The following CTNS variants were observed in gnomAD, a reference collection of about 807,000 sequenced individuals.
The protein encoded by CTNS is cystinosin.
Under a neutral mutation model 43.7 loss-of-function variants are expected in CTNS, and 27 were observed. That is an observed-to-expected ratio of 0.62 (90% CI 0.46 to 0.85). The LOEUF (loss-of-function observed/expected upper bound fraction) is 0.85, where lower values mean the gene tolerates loss of function less well. Ranked by LOEUF, CTNS falls within the 40% of genes least tolerant of loss-of-function variation. The pLI, the probability that CTNS is intolerant of heterozygous loss-of-function variation, is 0.00. For missense variants in CTNS, 457 were observed against 475.4 expected (o/e 0.96, Z 0.36); for synonymous variants, 187 against 190.6 (o/e 0.98, Z 0.16).
At position 3,647,468 on chromosome 17, in the gene CTNS, C is replaced by T; in HGVS notation, c.86C>T (p.Pro29Leu). 1.2e-6 allele frequency: 2 copies of T among 1,614,166 alleles called. No homozygotes were observed. Among genetic ancestry groups the T allele is most frequent in the Non-Finnish European group, 1.7e-6 (2 of 1,179,992 alleles). Residue 29 changes from proline to leucine, a missense_variant, in exon 4 of 12, where the codon CCT becomes CTT. By Grantham distance (98) the Pro-to-Leu change is moderately conservative. Coordinates refer to ENST00000046640, the MANE Select transcript of CTNS (RefSeq NM_004937.3). ...GAGTCAAGCGTCAGCCTCACTGTTC[C>T]TCCTGTCGTAAAGCTGGAGAACGGC... ...KCESSVSLTV[P>L]PVVKLENGSS... is the part of the protein sequence containing the mutation.
chr17:3,645,818 C>G (rs1269229170), intron 3 of CTNS, among the ~76,000 whole-genome samples: 1 of 150,644 alleles, frequency 6.6e-6, no homozygotes, highest in Non-Finnish European at 1.5e-5. Flanking sequence ...AAAGATCATG[C>G]CACTGCACTC....
chr17:3,647,026 CA>C (rs1425578664), intron 3 of CTNS, among the ~76,000 whole-genome samples: 11 of 152,182 alleles, frequency 7.2e-5, no homozygotes, highest in African/African-American at 2.7e-4. Context: ...CCCAGTTCTT[CA>C]GGACCATTTT....
At chr17:3,658,232 C>G in intron 10 of CTNS, 57 bp downstream of exon 10, 1 of 1,601,182 alleles carries the variant, frequency 6.2e-7, no homozygotes, top group Non-Finnish European at 8.5e-7. Flanking sequence ...AGCTACATGG[C>G]CCAGGCCCTG....
chr17:3,644,657 G>A (rs1287292570), intron 3 of CTNS, among the ~76,000 whole-genome samples: 1 of 152,100 alleles, frequency 6.6e-6, no homozygotes, highest in African/African-American at 2.4e-5. Flanking sequence ...GTAGAGACAG[G>A]GTTTCACTAT....
At chr17:3,651,570 C>A (rs1253889439) in intron 5 of CTNS, among the ~76,000 whole-genome samples, 1 of 152,154 alleles carries the variant, frequency 6.6e-6, no homozygotes, top group African/African-American at 2.4e-5. Flanking sequence ...GGGAATGTTT[C>A]ATTTCTTCAT....
chr17:3,662,048 C>T lies in CTNS; in HGVS notation c.*1679C>T, dbSNP rs1179686179. Among the ~76,000 whole-genome samples the T allele has an allele frequency of 2.0e-5, 3 of 152,124 alleles. No homozygotes were observed. The highest frequency in any genetic ancestry group is 7.2e-5 in the African/African-American group (3 of 41,420). ...TTTTCCGGCTGAGTGCGGTGGCTCA[C>T]GCCTGTAATCCCAGCACTTTGGGAG... On this transcript the variant is annotated 3_prime_UTR_variant, in exon 12 of 12. Transcript: ENST00000046640.
At chr17:3,648,780 T>C (rs2075905024) in intron 4 of CTNS, 67 bp from the exon 5 acceptor site, 1 of 1,305,876 alleles carries the variant, frequency 7.7e-7, no homozygotes, top group South Asian at 1.2e-5. Context: ...AGATGTGAAA[T>C]CCAGAGGGTT....
Position 3,659,989 on chromosome 17 carries a change from C to T in CTNS, c.970+14C>T, listed in dbSNP as rs756853653. On this transcript the variant is annotated intron_variant, in intron 11 of 11. Coordinates refer to ENST00000046640, the MANE Select transcript of CTNS (RefSeq NM_004937.3). ...CCTACAACAACGGTGAGTCAGCCAG[C>T]GGGCTGCTGGCCACCCTGCGGCTGG... 15 of 1,601,652 alleles carry T rather than the reference C, an allele frequency of 9.4e-6. No homozygotes were observed. The highest frequency in any genetic ancestry group is 1.8e-4 in the Middle Eastern group (1 of 5,542).
At position 3,660,601 on chromosome 17, in the gene CTNS, A is replaced by C; in HGVS notation, c.*232A>C. ...GTGGCACCGTCGCCTTGACACCGCC[A>C]TCTCTTTTCTTTAAGGCTTCAGGCA... On this transcript the variant is annotated 3_prime_UTR_variant, in exon 12 of 12. Transcript: ENST00000046640. The C allele has an allele frequency of 6.2e-7, 1 of 1,613,324 alleles. No individual in the cohort carries two copies. The highest frequency in any genetic ancestry group is 8.5e-7 in the Non-Finnish European group (1 of 1,180,024).
At chr17:3,659,744 G>T in intron 10 of CTNS, 114 bp from the exon 11 acceptor site, 1 of 776,574 alleles carries the variant, frequency 1.3e-6, no homozygotes, top group East Asian at 2.6e-5. Flanking sequence ...TGGAGCCAAG[G>T]CCCCAGTGGG....
At chr17:3,650,149 A>G in intron 5 of CTNS, 1 of 1,548,916 alleles carries the variant, frequency 6.5e-7, no homozygotes, top group Non-Finnish European at 8.7e-7. Flanking sequence ...TACACTTTTT[A>G]TTTGTCAATG....
At chr17:3,639,004 G>C (rs2075612601) in intron 2 of CTNS, among the ~76,000 whole-genome samples, 1 of 152,150 alleles carries the variant, frequency 6.6e-6, no homozygotes, top group Non-Finnish European at 1.5e-5. Flanking sequence ...GCCAACAGAG[G>C]TCAGACAGCT....
rs750842698 is a variant in CTNS, at chr17:3,655,202, T to A, written c.330-19T>A. 6.2e-7 allele frequency: 1 copy of A among 1,613,890 alleles called. No homozygotes were observed. ...GAAGCCCAGCCTCAGCTCATCCCGG[T>A]CCCCAAACTCCTTTCCAGCCCGAGG... On this transcript the variant is annotated intron_variant, in intron 6 of 11. Transcript: ENST00000046640.
rs1242300292 is a variant in CTNS, at chr17:3,662,486, T to A, written c.*2117T>A. Among the ~76,000 whole-genome samples, 3 of 152,132 alleles carry A rather than the reference T, an allele frequency of 2.0e-5. No homozygotes were observed. The highest frequency in any genetic ancestry group is 2.9e-5 in the Non-Finnish European group (2 of 68,012). On this transcript the variant is annotated 3_prime_UTR_variant, in exon 12 of 12. Coordinates refer to ENST00000046640, the MANE Select transcript of CTNS (RefSeq NM_004937.3). ...CAACACGTGGGGTTGTGTCCCTCGC[T>A]GGGATACACGGAGTGCCCTTATAGG...
intron 4 of CTNS, among the ~76,000 whole-genome samples, 179 bp from the exon 5 acceptor site, chr17:3,648,668 A>C (rs2075902040): frequency 6.6e-6 from 1 of 152,198 alleles, no homozygotes; most frequent in Non-Finnish European, 1.5e-5. Context: ...TGGTCTCCTG[A>C]TTAAGACAGG....
intron 3 of CTNS, among the ~76,000 whole-genome samples, chr17:3,645,014 G>A (rs568781585): frequency 2.0e-5 from 3 of 152,294 alleles, no homozygotes; most frequent in South Asian, 2.1e-4. Context: ...CTGGCTGGCC[G>A]CCCAGCATCA....
At chr17:3,655,449 T>C in intron 7 of CTNS, 97 bp downstream of exon 7, 5 of 1,545,468 alleles carry the variant, frequency 3.2e-6, no homozygotes, top group Non-Finnish European at 4.4e-6. Context: ...ACGTCCCCTC[T>C]ACCCTTCTGT....
chr17:3,659,595 C>T (rs1350779500), intron 10 of CTNS, among the ~76,000 whole-genome samples: 4 of 152,222 alleles, frequency 2.6e-5, no homozygotes, highest in Admixed American at 2.6e-4. Context: ...CCGCATCGGC[C>T]CCGCCTCTGC....
chr17:3,641,376 ATATATATATTTTTTT>A (rs2075694958), intron 3 of CTNS, among the ~76,000 whole-genome samples: 1 of 38,500 alleles, frequency 2.6e-5, no homozygotes, highest in Non-Finnish European at 4.2e-5. Context: ...ATATATATAT[ATATATATATTTTTTT>A]TTTTTTTTTT....
Sources: allele counts gnomAD v4.1 joint callset (sites outside exome capture counted in the v4.1 genomes callset), GRCh38; gene constraint gnomAD v4.1.1; transcripts MANE v1.5; gene names NCBI Gene and HGNC (gene_info 2026-07-23, HGNC 2026-07-21).